Variants in GNA14 observed in about 807,000 individuals in gnomAD.
GNA14 encodes the protein G protein subunit alpha 14.
A neutral mutation model predicts 42.0 loss-of-function variants in GNA14; 50 were observed. The observed-to-expected ratio is 1.19, with a 90% CI of 0.95 to 1.51. GNA14 has a LOEUF of 1.51. Among genes scored for constraint, GNA14 ranks in the 40% most tolerant of loss-of-function variants. GNA14 has a pLI of 0.00. For synonymous variants in GNA14, 173 were observed against 163.1 expected (o/e 1.06, Z -0.46); for missense variants, 473 against 446.2 (o/e 1.06, Z -0.54).
At chr9:77,483,810 C>A (rs141604349) in intron 2 of GNA14, among the ~76,000 whole-genome samples, 171 of 151,998 alleles carry the variant, frequency 1.1e-3, no homozygotes, top group African/African-American at 3.8e-3. Context: ...CCTCAATAAC[C>A]GTAGGGATAA....
At chr9:77,457,211 G>A (rs1054142783) in intron 2 of GNA14, among the ~76,000 whole-genome samples, 1 of 152,238 alleles carries the variant, frequency 6.6e-6, no homozygotes, top group Non-Finnish European at 1.5e-5. Flanking sequence ...GGGAGCGAGA[G>A]AGAAAGAGAG....
At chr9:77,590,874 G>A (rs2117886713) in intron 1 of GNA14, among the ~76,000 whole-genome samples, 1 of 152,210 alleles carries the variant, frequency 6.6e-6, no homozygotes, top group Admixed American at 6.5e-5. Flanking sequence ...AATAGGTAAG[G>A]ATGACATGTC....
chr9:77,454,033 G>C (rs1421320375), intron 2 of GNA14, among the ~76,000 whole-genome samples: 1 of 152,126 alleles, frequency 6.6e-6, no homozygotes, highest in East Asian at 1.9e-4. Context: ...ATTTGCACAG[G>C]CACAAAGCTC....
In GNA14 at chr9:77,425,662, C is replaced by G; in HGVS notation, c.777G>C (p.Trp259Cys). ...ATAAAATCACAGACGAATTCAGAAA[C>G]CAGGGGTAGGTGATGATGGTTTTAA... ...ALFKTIITYP[W>C]FLNSSVILFL... Residue 259 changes from tryptophan (W) to cysteine (C), a missense_variant, in exon 6 of 7, where the codon TGG becomes TGC. Physicochemically the swap from Trp to Cys is radical, Grantham distance 215. Coordinates refer to ENST00000341700, the MANE Select transcript of GNA14 (RefSeq NM_004297.4). The G allele has an allele frequency of 6.2e-7, 1 of 1,610,214 alleles. No individual in the cohort carries two copies. The highest frequency in any genetic ancestry group is 8.5e-7 in the Non-Finnish European group (1 of 1,176,558).
chr9:77,556,761 C>T (rs1822787656), intron 1 of GNA14, among the ~76,000 whole-genome samples: 1 of 152,146 alleles, frequency 6.6e-6, no homozygotes, highest in Non-Finnish European at 1.5e-5. Context: ...CATCCCACAG[C>T]CCCTTTTCTT....
intron 1 of GNA14, among the ~76,000 whole-genome samples, chr9:77,620,190 A>G (rs768685140): frequency 6.6e-6 from 1 of 152,192 alleles, no homozygotes; most frequent in Non-Finnish European, 1.5e-5. Context: ...ACGGAAACTC[A>G]GGGCTGGAAG....
intron 1 of GNA14, chr9:77,580,358 CCT>C: frequency 3.0e-6 from 1 of 337,718 alleles, no homozygotes; most frequent in Non-Finnish European, 6.2e-6. Context: ...ACGCGTCATG[CCT>C]TAGGTGGGAA....
At chr9:77,590,622 T>G (rs1371171300) in intron 1 of GNA14, among the ~76,000 whole-genome samples, 1 of 151,924 alleles carries the variant, frequency 6.6e-6, no homozygotes, top group East Asian at 1.9e-4. Context: ...GAAGGGCAGA[T>G]GTAGTGTAGC....
intron 1 of GNA14, among the ~76,000 whole-genome samples, chr9:77,570,687 G>T (rs972868913): frequency 2.6e-5 from 4 of 152,106 alleles, no homozygotes; most frequent in African/African-American, 7.2e-5. Flanking sequence ...TATGGATAAT[G>T]CTGCTATGCA....
intron 1 of GNA14, among the ~76,000 whole-genome samples, chr9:77,644,899 C>T (rs1172984021): frequency 6.6e-6 from 1 of 152,198 alleles, no homozygotes; most frequent in African/African-American, 2.4e-5. Flanking sequence ...ATGTTCTTAT[C>T]AGAACTTTTT....
chr9:77,622,899 A>C (rs1455533117), intron 1 of GNA14, among the ~76,000 whole-genome samples: 1 of 141,534 alleles, frequency 7.1e-6, no homozygotes, highest in Non-Finnish European at 1.5e-5. Flanking sequence ...GTCTCAAAAA[A>C]AAAAAAAAAG....
At chr9:77,635,343 A>G (rs970008135) in intron 1 of GNA14, 13 of 152,260 alleles carry the variant, frequency 8.5e-5, no homozygotes, top group African/African-American at 3.1e-4. Context: ...CCTTCTGTAT[A>G]AATGACAGCA....
chr9:77,456,267 T>C (rs1835997708), intron 2 of GNA14: 1 of 152,190 alleles, frequency 6.6e-6, no homozygotes, highest in South Asian at 2.1e-4. Flanking sequence ...TCACACCCTA[T>C]TGATTTAAAT....
chr9:77,555,519 T>A (rs549434618), intron 1 of GNA14, among the ~76,000 whole-genome samples: 44 of 152,080 alleles, frequency 2.9e-4, no homozygotes, highest in African/African-American at 9.9e-4. Flanking sequence ...AAGAAAAACA[T>A]CCCCACATAT....
At chr9:77,454,523 C>T (rs1003673760) in intron 2 of GNA14, among the ~76,000 whole-genome samples, 4 of 150,412 alleles carry the variant, frequency 2.7e-5, no homozygotes, top group African/African-American at 4.9e-5. Flanking sequence ...ATAGTGGGGA[C>T]GGGGAAAAGG....
At chr9:77,464,627 A>ACGAGT (rs1836188263) in intron 2 of GNA14, among the ~76,000 whole-genome samples, 1 of 152,130 alleles carries the variant, frequency 6.6e-6, no homozygotes, top group Non-Finnish European at 1.5e-5. Flanking sequence ...AGAATATCCA[A>ACGAGT]CGAGTCATGC....
chr9:77,641,811 A>T (rs1387414251), intron 1 of GNA14, among the ~76,000 whole-genome samples: 1 of 152,142 alleles, frequency 6.6e-6, no homozygotes, highest in East Asian at 1.9e-4. Flanking sequence ...ATCAAAGTGA[A>T]ATGTACAGAC....
rs190047610 is a variant in GNA14 at position 77,542,731 on chromosome 9, G to A, written c.125-13478C>T. On this transcript the variant is annotated intron_variant, in intron 1 of 6. Transcript: ENST00000341700. ...AGGTGGCTTGTGCAGGTGGGTGCCA[G>A]CTGTGGTGGTATCAGCAGGTTGGGT... Among the ~76,000 whole-genome samples, 209 of 152,362 alleles carry A rather than the reference G, an allele frequency of 1.4e-3. 2 individuals carry two copies. Among genetic ancestry groups the A allele is most frequent in the Admixed American group, 0.013 (204 of 15,306 alleles).
intron 2 of GNA14, among the ~76,000 whole-genome samples, chr9:77,459,377 T>C (rs1378451085): frequency 1.3e-5 from 2 of 152,196 alleles, no homozygotes; most frequent in Non-Finnish European, 2.9e-5. Flanking sequence ...CAGCCTGCCC[T>C]CACCTCAAAG....
Sources: gnomAD v4.1 joint callset for allele counts (sites outside exome capture counted in the v4.1 genomes callset) on GRCh38, gnomAD v4.1.1 for gene constraint, MANE v1.5 for transcripts, NCBI Gene and HGNC (gene_info 2026-07-23, HGNC 2026-07-21) for gene names.